ADK: variants seen among roughly 807,000 people sequenced by gnomAD.
ADK encodes the protein N6,N6-dimethyladenosine kinase.
ADK carries 24 observed loss-of-function variants against 44.7 expected under a neutral mutation model. The observed-to-expected ratio is 0.54, with a 90% CI of 0.39 to 0.76. ADK has a LOEUF of 0.76. Among genes scored for constraint, ADK ranks in the 30% least tolerant of loss-of-function variants. The probability of loss-of-function intolerance (pLI) is 0.00; values close to 1 mark genes in which losing one functional copy is unlikely to be tolerated. For missense variants in ADK, 321 were observed against 425.1 expected, an observed-to-expected ratio of 0.76 and a Z score of 2.15; for synonymous variants, 128 against 142.6, an observed-to-expected ratio of 0.90 and a Z score of 0.73.
At chr10:74,555,435 T>G (rs1468812008) in intron 7 of ADK, among the ~76,000 whole-genome samples, 1 of 152,028 alleles carries the variant, frequency 6.6e-6, no homozygotes, top group South Asian at 2.1e-4. Context: ...GAGAGAATTG[T>G]CAGAAAAACT....
At chr10:74,275,798 G>T (rs1209715839) in intron 3 of ADK, among the ~76,000 whole-genome samples, 1 of 151,996 alleles carries the variant, frequency 6.6e-6, no homozygotes, top group Admixed American at 6.6e-5. Flanking sequence ...GGACCACTAT[G>T]CCTGGGTAAT....
chr10:74,341,250 T>G (rs1333051479), intron 4 of ADK, among the ~76,000 whole-genome samples: 1 of 152,070 alleles, frequency 6.6e-6, no homozygotes, highest in African/African-American at 2.4e-5. Flanking sequence ...ATCTGTGCGG[T>G]GGCTTACTCC....
intron 9 of ADK, among the ~76,000 whole-genome samples, chr10:74,640,284 C>CTGG (rs917089576): frequency 2.6e-5 from 4 of 151,988 alleles, no homozygotes; most frequent in Non-Finnish European, 5.9e-5. Context: ...GCTGAGGGTA[C>CTGG]TGGTGCACTC....
At chr10:74,519,362 C>T (rs1015495858) in intron 6 of ADK, among the ~76,000 whole-genome samples, 42 of 151,870 alleles carry the variant, frequency 2.8e-4, no homozygotes, top group African/African-American at 9.7e-4. Context: ...ATACTAGCCA[C>T]GTTACTTATG....
At position 74,404,177 on chromosome 10, in the gene ADK, G is replaced by GT. The variant is rs34848917; in HGVS notation, c.555+5612dup. 1.1e-3 allele frequency among the ~76,000 whole-genome samples: 154 copies of GT among 144,716 alleles called. 1 individual carries two copies. Among genetic ancestry groups the GT allele is most frequent in the East Asian group, 3.3e-3 (16 of 4,880 alleles). 94.9% of individuals were successfully genotyped at this position (144,716 alleles called of 152,430 possible). On this transcript the variant is annotated intron_variant, in intron 6 of 10. Coordinates refer to ENST00000539909, the MANE Select transcript of ADK (RefSeq NM_006721.4). ...ATGAGCCACCACACCCAGCCTAATT[G>GT]TTTTTTTTTTTTTTAATCAGCTTTG...
intron 6 of ADK, among the ~76,000 whole-genome samples, chr10:74,483,096 T>C (rs922971863): frequency 6.6e-6 from 1 of 152,096 alleles, no homozygotes; most frequent in Non-Finnish European, 1.5e-5. Flanking sequence ...CTAGTAGAGG[T>C]TCTCCATGAG....
At chr10:74,482,866 T>C (rs1464706498) in intron 6 of ADK, among the ~76,000 whole-genome samples, 1 of 152,164 alleles carries the variant, frequency 6.6e-6, no homozygotes, top group Non-Finnish European at 1.5e-5. Context: ...GCTTGGGCAG[T>C]TCTGCGTCTG....
At chr10:74,405,328 C>T (rs959544254) in intron 6 of ADK, among the ~76,000 whole-genome samples, 16 of 151,598 alleles carry the variant, frequency 1.1e-4, no homozygotes, top group African/African-American at 3.4e-4. Context: ...CAAGCATTAC[C>T]ACCTGAGCTC....
chr10:74,671,627 T>C (rs1355561992), intron 10 of ADK, among the ~76,000 whole-genome samples: 1 of 152,240 alleles, frequency 6.6e-6, no homozygotes. Flanking sequence ...GTATGTAGGC[T>C]AAAATATTTT....
chr10:74,407,405 T>G (rs1045916089), intron 6 of ADK, among the ~76,000 whole-genome samples: 2 of 152,246 alleles, frequency 1.3e-5, no homozygotes, highest in African/African-American at 4.8e-5. Context: ...TCATGCCATA[T>G]CTCTACATAG....
intron 9 of ADK, among the ~76,000 whole-genome samples, chr10:74,617,210 G>A (rs1384136995): frequency 6.6e-6 from 1 of 152,100 alleles, no homozygotes; most frequent in Non-Finnish European, 1.5e-5. Flanking sequence ...TAGAATACAA[G>A]TAAATTGAAA....
At chr10:74,206,680 CAT>C (rs761563806) in intron 2 of ADK, among the ~76,000 whole-genome samples, 37 of 152,166 alleles carry the variant, frequency 2.4e-4, no homozygotes, top group Non-Finnish European at 5.3e-4. Context: ...GTTTGTTAGG[CAT>C]ATATAACCTG....
At chr10:74,449,228 T>TTCA (rs1845687824) in intron 6 of ADK, among the ~76,000 whole-genome samples, 1 of 152,160 alleles carries the variant, frequency 6.6e-6, no homozygotes, top group Non-Finnish European at 1.5e-5. Context: ...CTTTTTAAAT[T>TTCA]TTATTATTAT....
intron 1 of ADK, among the ~76,000 whole-genome samples, chr10:74,189,069 A>G (rs536938540): frequency 5.3e-4 from 81 of 152,130 alleles, no homozygotes; most frequent in African/African-American, 1.9e-3. Context: ...TTTCATTATT[A>G]TTATTTTTTC....
chr10:74,438,096 C>A (rs1320343813), intron 6 of ADK, among the ~76,000 whole-genome samples: 4 of 152,142 alleles, frequency 2.6e-5, no homozygotes, highest in Non-Finnish European at 4.4e-5. Flanking sequence ...GTCATAATAT[C>A]CCTCCAACCC....
At chr10:74,195,277 T>A (rs920506615) in intron 1 of ADK, among the ~76,000 whole-genome samples, 21 of 152,230 alleles carry the variant, frequency 1.4e-4, no homozygotes, top group Admixed American at 1.1e-3. Flanking sequence ...TATAGTATGT[T>A]CATCATTTAA....
chr10:74,372,436 T>C, intron 4 of ADK: 1 of 570,346 alleles, frequency 1.8e-6, no homozygotes, highest in South Asian at 1.9e-5. Context: ...GCACACGCTC[T>C]TAAGCAACAT....
chr10:74,354,810 A>T (rs1592091076), intron 4 of ADK, among the ~76,000 whole-genome samples: 1 of 152,232 alleles, frequency 6.6e-6, no homozygotes, highest in African/African-American at 2.4e-5. Flanking sequence ...TATCTATCTT[A>T]AAAAAGTTAA....
chr10:74,361,714 G>T (rs1028218914), intron 4 of ADK, among the ~76,000 whole-genome samples: 2 of 152,190 alleles, frequency 1.3e-5, no homozygotes, highest in East Asian at 3.8e-4. Flanking sequence ...CCAGTTTGAA[G>T]AAGTTTTTAA....
Sources: allele counts gnomAD v4.1 joint callset (sites outside exome capture counted in the v4.1 genomes callset), GRCh38; gene constraint gnomAD v4.1.1; transcripts MANE v1.5; gene names NCBI Gene and HGNC (gene_info 2026-07-23, HGNC 2026-07-21).